Variants in LIAT1 observed in about 807,000 individuals in gnomAD.
LIAT1 encodes the protein protein LIAT1.
chr17:410,552 G>A, the LIAT1 span: 4 of 1,546,828 alleles, frequency 2.6e-6, no homozygotes, highest in East Asian at 4.9e-5. Flanking sequence ...GGTCTAGACT[G>A]CCCCCCATCA....
chr17:411,616 G>A, the LIAT1 span, among the ~76,000 whole-genome samples: 19 of 152,250 alleles, frequency 1.2e-4, no homozygotes, highest in Non-Finnish European at 1.6e-4. Flanking sequence ...CTGTTAATAC[G>A]TTATCCATTC....
chr17:410,611 GGAA>G, the LIAT1 span: 525 of 1,544,022 alleles, frequency 3.4e-4, no homozygotes, highest in Non-Finnish European at 4.0e-4. Flanking sequence ...AAGAAAAAAA[GGAA>G]GAAGAAGACC....
At chr17:411,324 G>A in the LIAT1 span, among the ~76,000 whole-genome samples, 18 of 152,186 alleles carry the variant, frequency 1.2e-4, no homozygotes, top group South Asian at 2.1e-4. Context: ...ACTAAAGGGC[G>A]GGGGACACCC....
At chr17:414,551 T>C in the LIAT1 span, 1 of 167,102 alleles carries the variant, frequency 6.0e-6, no homozygotes, top group Non-Finnish European at 1.3e-5. This position sits in a 1 kb window ranked among gnomAD's most constrained non-coding sequence, Gnocchi z 4.1. Context: ...ATTAAATGCA[T>C]GGCCTGCCTT....
chr17:413,381 G>C, the LIAT1 span: 3 of 1,614,250 alleles, frequency 1.9e-6, no homozygotes, highest in South Asian at 3.3e-5. Flanking sequence ...TGCTGACCCG[G>C]AGGCAGAGAA....
the LIAT1 span, chr17:410,534 C>T: frequency 6.5e-7 from 1 of 1,545,884 alleles, no homozygotes; most frequent in Non-Finnish European, 8.7e-7. Flanking sequence ...GCGCCGCGGG[C>T]CCGCGGGGGT....
chr17:411,868 A>G, the LIAT1 span, among the ~76,000 whole-genome samples: 1 of 152,218 alleles, frequency 6.6e-6, no homozygotes, highest in Admixed American at 6.5e-5. Flanking sequence ...GGTCCACCTC[A>G]GTGGCTTTGG....
chr17:414,389 T>G, the LIAT1 span: 5 of 439,674 alleles, frequency 1.1e-5, no homozygotes, highest in African/African-American at 8.0e-5. The surrounding 1 kb of genome is among the most constrained non-coding windows in gnomAD (Gnocchi z 4.1). Flanking sequence ...TCACCACAGC[T>G]AGATGTCTAT....
chr17:410,776 C>A, the LIAT1 span: 2 of 781,252 alleles, frequency 2.6e-6, no homozygotes, highest in African/African-American at 1.7e-5. Context: ...CTCCTGCTCC[C>A]CACACATGCC....
chr17:413,373 C>A, the LIAT1 span: 4 of 1,614,156 alleles, frequency 2.5e-6, no homozygotes, highest in Non-Finnish European at 3.4e-6. Context: ...GGAATTCTTG[C>A]TGACCCGGAG....
At chr17:410,681 C>G in the LIAT1 span, 1 of 1,530,188 alleles carries the variant, frequency 6.5e-7, no homozygotes, top group Non-Finnish European at 8.8e-7. Context: ...GCGTCAGCTC[C>G]GGTTCCCTGG....
chr17:410,419 C>T, the LIAT1 span: 2 of 1,533,286 alleles, frequency 1.3e-6, no homozygotes, highest in East Asian at 4.9e-5. Context: ...CGGGCGCCCC[C>T]GGGGCGGGTT....
chr17:414,276 GC>G, the LIAT1 span: 1 of 800,120 alleles, frequency 1.2e-6, no homozygotes, highest in Non-Finnish European at 2.0e-6. The surrounding 1 kb of genome is among the most constrained non-coding windows in gnomAD (Gnocchi z 4.1). Context: ...GCCCTCGGTT[GC>G]CCAGGAGAGC....
At chr17:413,981 T>C in the LIAT1 span, 1 of 1,613,516 alleles carries the variant, frequency 6.2e-7, no homozygotes. Flanking sequence ...GAACTTACCC[T>C]ACCTCTCGGA....
the LIAT1 span, chr17:410,567 C>G: frequency 2.6e-6 from 4 of 1,546,516 alleles, no homozygotes; most frequent in Non-Finnish European, 3.5e-6. Context: ...CCATCACAGG[C>G]GGCGCCTCCG....
the LIAT1 span, chr17:410,580 C>G: frequency 5.7e-5 from 88 of 1,546,360 alleles, 1 homozygote; most frequent in Admixed American, 4.7e-4. Flanking sequence ...CGCCTCCGAG[C>G]TGGCCAAACG....
At chr17:410,349 A>C in the LIAT1 span, 15 of 1,476,216 alleles carry the variant, frequency 1.0e-5, no homozygotes, top group Non-Finnish European at 1.3e-5. Flanking sequence ...CGCCATGGAG[A>C]CGCGTGGCCC....
At chr17:411,014 C>G in the LIAT1 span, among the ~76,000 whole-genome samples, 1 of 152,192 alleles carries the variant, frequency 6.6e-6, no homozygotes, top group Non-Finnish European at 1.5e-5. Flanking sequence ...TTTCCCCACC[C>G]CAAACACATT....
the LIAT1 span, chr17:410,381 GAGTCGCCGATT>G: frequency 1.3e-6 from 2 of 1,521,984 alleles, no homozygotes; most frequent in Non-Finnish European, 1.7e-6. Flanking sequence ...TCCGCGCTGA[GAGTCGCCGATT>G]AGTCGGCATC....
Sources: allele counts gnomAD v4.1 joint callset (sites outside exome capture counted in the v4.1 genomes callset), GRCh38; gene constraint gnomAD v4.1.1; non-coding constraint Gnocchi (gnomAD v3.1); transcripts MANE v1.5; gene names NCBI Gene and HGNC (gene_info 2026-07-23, HGNC 2026-07-21).